The following CLEC16A variants were observed in gnomAD, a reference collection of about 807,000 sequenced individuals.
CLEC16A encodes protein CLEC16A.
A neutral mutation model predicts 109.5 loss-of-function variants in CLEC16A; 51 were observed. The ratio of observed to expected loss-of-function variants is 0.47; its 90% CI spans 0.37 to 0.59. The LOEUF (loss-of-function observed/expected upper bound fraction) is 0.59, where lower values mean the gene tolerates loss of function less well. Among genes scored for constraint, CLEC16A ranks in the 20% least tolerant of loss-of-function variants. The pLI is 0.00. For synonymous variants in CLEC16A, 673 were observed against 564.2 expected (o/e 1.19, Z -2.73); for missense variants, 1,339 against 1,394.0 (o/e 0.96, Z 0.63).
At chr16:11,139,884 T>G (rs1429901601) in intron 22 of CLEC16A, among the ~76,000 whole-genome samples, 2 of 152,250 alleles carry the variant, frequency 1.3e-5, no homozygotes, top group Admixed American at 6.5e-5. Flanking sequence ...ATTTATTGAA[T>G]GCCAACTATG....
intron 11 of CLEC16A, among the ~76,000 whole-genome samples, chr16:11,018,856 A>G (rs1249015807): frequency 6.6e-6 from 1 of 152,138 alleles, no homozygotes; most frequent in East Asian, 1.9e-4. Context: ...GCCAGGAGGT[A>G]AGGTCAGAGG....
chr16:10,980,679 G>A (rs1016122870), intron 9 of CLEC16A, among the ~76,000 whole-genome samples: 1 of 152,070 alleles, frequency 6.6e-6, no homozygotes, highest in Non-Finnish European at 1.5e-5. Context: ...ACTTGTTTCA[G>A]TATCTCACAG....
intron 22 of CLEC16A, among the ~76,000 whole-genome samples, chr16:11,140,574 C>G (rs1024288049): frequency 8.5e-5 from 13 of 152,276 alleles, no homozygotes; most frequent in African/African-American, 3.1e-4. Context: ...CAGCAAAGAA[C>G]AAATGCAGAA....
intron 10 of CLEC16A, among the ~76,000 whole-genome samples, chr16:10,996,611 C>T (rs2044344214): frequency 6.6e-6 from 1 of 152,220 alleles, no homozygotes; most frequent in Admixed American, 6.5e-5. Context: ...TGCCTCCCAG[C>T]CCTGGCGCAT....
At chr16:11,170,578 A>T (rs568957017) in intron 23 of CLEC16A, among the ~76,000 whole-genome samples, 14 of 152,178 alleles carry the variant, frequency 9.2e-5, no homozygotes, top group African/African-American at 2.9e-4. Context: ...TGGACTTGAG[A>T]CCTGATCCAA....
At chr16:11,078,122 G>T (rs568813530) in intron 19 of CLEC16A, among the ~76,000 whole-genome samples, 5 of 152,060 alleles carry the variant, frequency 3.3e-5, no homozygotes. Context: ...CAGGGGAACC[G>T]CTCTAGGGGC....
chr16:10,956,254 TAG>T lies in CLEC16A; in HGVS notation c.81-1527_81-1526del, dbSNP rs2041979999. ...AAATTAATTAAATGCTTGATTATACTAGGTCTTTAAAGCATAACAAACAGTAT... is the reference window on the plus strand; with the variant it reads ...AAATTAATTAAATGCTTGATTATACTGTCTTTAAAGCATAACAAACAGTAT... On this transcript the variant is annotated intron_variant, in intron 1 of 23. Coordinates refer to ENST00000409790, the MANE Select transcript of CLEC16A (RefSeq NM_015226.3). 1.3e-5 allele frequency among the ~76,000 whole-genome samples: 2 copies of T among 152,260 alleles called. 1 individual carries two copies. Among genetic ancestry groups the T allele is most frequent in the South Asian group, 4.1e-4 (2 of 4,836 alleles).
chr16:10,978,289 T>C (rs952704605), intron 8 of CLEC16A, among the ~76,000 whole-genome samples: 1 of 152,192 alleles, frequency 6.6e-6, no homozygotes, highest in African/African-American at 2.4e-5. Flanking sequence ...CTGTGAGGAA[T>C]GCTGCTTCTG....
chr16:11,135,756 G>A (rs567533221), intron 22 of CLEC16A, among the ~76,000 whole-genome samples: 14 of 152,334 alleles, frequency 9.2e-5, no homozygotes, highest in Admixed American at 5.2e-4. Flanking sequence ...CTGTAGGCTC[G>A]GGTGGGCCCG....
At chr16:11,114,687 C>A (rs1016021106) in intron 19 of CLEC16A, among the ~76,000 whole-genome samples, 4 of 152,150 alleles carry the variant, frequency 2.6e-5, no homozygotes, top group Non-Finnish European at 5.9e-5. Context: ...TAGCCTGTGT[C>A]CCCCAGGGCT....
In CLEC16A at chr16:11,027,255, G is replaced by A. The variant is rs1249832915; in HGVS notation, c.1537+2334G>A. On this transcript the variant is annotated intron_variant, in intron 13 of 23. Transcript: ENST00000409790. ...CAGACGACTAGAAGTGAAACCTCAT[G>A]CCGTGGAATTGCCAGATAAACATTC... 9.1e-6 allele frequency: 14 copies of A among 1,546,072 alleles called. No individual in the cohort carries two copies. In the East Asian group the frequency reaches 2.9e-4, roughly 32 times the overall value.
chr16:10,981,394 A>G (rs1033173264), intron 9 of CLEC16A, among the ~76,000 whole-genome samples: 2 of 152,200 alleles, frequency 1.3e-5, no homozygotes, highest in Non-Finnish European at 2.9e-5. Context: ...AACTCATTGA[A>G]TCATACTATG....
intron 13 of CLEC16A, among the ~76,000 whole-genome samples, chr16:11,037,794 C>T (rs1343870702): frequency 6.9e-6 from 1 of 144,062 alleles, no homozygotes; most frequent in East Asian, 2.3e-4. Context: ...ACCCCCACCC[C>T]CACCCCCAGA....
intron 19 of CLEC16A, among the ~76,000 whole-genome samples, chr16:11,080,968 G>A (rs2049678223): frequency 6.6e-6 from 1 of 152,232 alleles, no homozygotes; most frequent in Non-Finnish European, 1.5e-5. Context: ...CATCTTTGGG[G>A]GCTATTACAG....
rs1444654118 is a variant in CLEC16A, at chr16:11,178,234, C to T, written c.2807-101C>T. ...CTCACGCCAGCCAGCCACCTCCCAC[C>T]TAGCTCACCAGGGCCGCGGTTCAGG... On this transcript the variant is annotated intron_variant, in intron 23 of 23. Coordinates refer to ENST00000409790, the MANE Select transcript of CLEC16A (RefSeq NM_015226.3). This position sits in a 1 kb window ranked among gnomAD's most constrained non-coding sequence, Gnocchi z 6.5. 8.4e-6 allele frequency: 9 copies of T among 1,067,404 alleles called. No homozygotes were observed. Among genetic ancestry groups the T allele is most frequent in the Non-Finnish European group, 1.1e-5 (8 of 723,138 alleles). 66.1% of individuals were successfully genotyped at this position (1,067,404 alleles called of 1,614,324 possible).
chr16:11,076,502 C>T (rs2049383875), intron 19 of CLEC16A, among the ~76,000 whole-genome samples: 1 of 152,180 alleles, frequency 6.6e-6, no homozygotes, highest in East Asian at 1.9e-4. Flanking sequence ...TCCGCCTACA[C>T]ACAGCTCCTC....
intron 22 of CLEC16A, among the ~76,000 whole-genome samples, chr16:11,140,169 C>T (rs865842317): frequency 6.6e-6 from 1 of 152,208 alleles, no homozygotes; most frequent in South Asian, 2.1e-4. Flanking sequence ...GGGTAACCTA[C>T]GTGCCCCTTT....
intron 13 of CLEC16A, among the ~76,000 whole-genome samples, chr16:11,034,629 A>C (rs1056147465): frequency 3.3e-5 from 5 of 152,146 alleles, no homozygotes; most frequent in African/African-American, 1.2e-4. Flanking sequence ...GTCGGTGGGC[A>C]GCTCAGGCTC....
At chr16:11,020,432 C>A in intron 12 of CLEC16A, 107 bp downstream of exon 12, 1 of 1,329,194 alleles carries the variant, frequency 7.5e-7, no homozygotes, top group Non-Finnish European at 9.9e-7. Flanking sequence ...CTCAGCCCGA[C>A]CATGCTGCCT....
Sources: allele counts gnomAD v4.1 joint callset (sites outside exome capture counted in the v4.1 genomes callset), GRCh38; gene constraint gnomAD v4.1.1; non-coding constraint Gnocchi (gnomAD v3.1); transcripts MANE v1.5; gene names NCBI Gene and HGNC (gene_info 2026-07-23, HGNC 2026-07-21).